The following RAB10 variants were observed in gnomAD, a reference collection of about 807,000 sequenced individuals.
The protein encoded by RAB10 is RAB10, member RAS oncogene family, also known as ras-related protein Rab-10.
A neutral mutation model predicts 25.7 loss-of-function variants in RAB10; 5 were observed. The observed-to-expected ratio is 0.19, with a 90% CI of 0.10 to 0.41. The LOEUF (loss-of-function observed/expected upper bound fraction) is 0.41, where lower values mean the gene tolerates loss of function less well. Ranked by LOEUF, RAB10 falls within the 10% of genes least tolerant of loss-of-function variation. The pLI is 1.00. For missense variants in RAB10, 103 were observed against 245.8 expected (o/e 0.42, Z 3.89); for synonymous variants, 89 against 86.4 (o/e 1.03, Z -0.16).
intron 1 of RAB10, among the ~76,000 whole-genome samples, chr2:26,091,363 G>A (rs1386923681): frequency 6.6e-6 from 1 of 152,128 alleles, no homozygotes; most frequent in Non-Finnish European, 1.5e-5. Flanking sequence ...CTAGGGGAAA[G>A]AGCCATGATG....
At chr2:26,132,936 C>CT (rs1668038808) in intron 5 of RAB10, among the ~76,000 whole-genome samples, 1 of 152,006 alleles carries the variant, frequency 6.6e-6, no homozygotes, top group African/African-American at 2.4e-5. Context: ...GGATGCTGGT[C>CT]TGCCCCTTTT....
At chr2:26,096,066 G>T (rs1234844698) in intron 1 of RAB10, among the ~76,000 whole-genome samples, 2 of 152,182 alleles carry the variant, frequency 1.3e-5, no homozygotes, top group African/African-American at 4.8e-5. Flanking sequence ...TTTATTGCCA[G>T]TGTGCTTGAT....
intron 3 of RAB10, among the ~76,000 whole-genome samples, chr2:26,124,867 A>G (rs921048030): frequency 6.6e-6 from 1 of 152,138 alleles, no homozygotes; most frequent in African/African-American, 2.4e-5. Flanking sequence ...TATTTGTTCA[A>G]TTTGTAAGTA....
At chr2:26,134,015 G>C (rs770938690) in intron 5 of RAB10, among the ~76,000 whole-genome samples, 1 of 152,208 alleles carries the variant, frequency 6.6e-6, no homozygotes, top group African/African-American at 2.4e-5. Flanking sequence ...GGAAAAAGCA[G>C]AATTATACTA....
At chr2:26,046,335 A>C (rs916071981) in intron 1 of RAB10, among the ~76,000 whole-genome samples, 1 of 152,278 alleles carries the variant, frequency 6.6e-6, no homozygotes. Context: ...CAAAGAAAAA[A>C]AAAAAAGAAA....
chr2:26,067,052 G>T (rs1344806097), intron 1 of RAB10, among the ~76,000 whole-genome samples: 1 of 152,086 alleles, frequency 6.6e-6, no homozygotes, highest in African/African-American at 2.4e-5. Context: ...AAAGTGCTGG[G>T]ATTATAGGTG....
chr2:26,060,498 T>C (rs762401608), intron 1 of RAB10, among the ~76,000 whole-genome samples: 2 of 152,150 alleles, frequency 1.3e-5, no homozygotes, highest in Non-Finnish European at 2.9e-5. Flanking sequence ...TTCACCGTGT[T>C]AGCCAGGTCT....
intron 1 of RAB10, among the ~76,000 whole-genome samples, chr2:26,096,422 C>A (rs376271423): frequency 1.4e-4 from 12 of 83,258 alleles, no homozygotes; most frequent in East Asian, 1.4e-3. Context: ...GGATGGATGG[C>A]TGGCTGGCTG....
intron 1 of RAB10, among the ~76,000 whole-genome samples, chr2:26,057,743 G>A (rs999462465): frequency 3.3e-5 from 5 of 151,854 alleles, no homozygotes; most frequent in African/African-American, 1.2e-4. Context: ...TCACCTCTGC[G>A]TCCCCAGTAG....
At chr2:26,099,558 T>G (rs991746165) in intron 2 of RAB10, among the ~76,000 whole-genome samples, 2 of 61,280 alleles carry the variant, frequency 3.3e-5, no homozygotes, top group African/African-American at 1.4e-4. Context: ...TTTTTTTTTT[T>G]GAGGTGGAGT....
chr2:26,085,546 C>A (rs1666958919), intron 1 of RAB10, among the ~76,000 whole-genome samples: 1 of 151,344 alleles, frequency 6.6e-6, no homozygotes. Context: ...ACCAGCTTGA[C>A]CTTCTTCCAA....
chr2:26,124,765 C>T (rs1027726156), intron 3 of RAB10, among the ~76,000 whole-genome samples: 3 of 152,000 alleles, frequency 2.0e-5, no homozygotes, highest in African/African-American at 4.8e-5. Context: ...TGATTTCTGT[C>T]TCCCCCTTTC....
In RAB10 at chr2:26,137,000, A is replaced by G. The variant is rs937110625; in HGVS notation, c.*1979A>G. On this transcript the variant is annotated 3_prime_UTR_variant, in exon 6 of 6. Transcript: ENST00000264710. ...ATTAATGTATTTGTTGCTTCCCTTTATCTGGAATGTGGCATTAGCTTTTTT... is the reference window on the plus strand; with the variant it reads ...ATTAATGTATTTGTTGCTTCCCTTTGTCTGGAATGTGGCATTAGCTTTTTT... 2 of 152,614 alleles carry G rather than the reference A, an allele frequency of 1.3e-5. No individual in the cohort carries two copies. Among genetic ancestry groups the G allele is most frequent in the African/African-American group, 4.8e-5 (2 of 41,454 alleles). The allele number at this position is 152,614 out of a possible 1,614,324, so 9.5% of individuals were successfully genotyped here.
At chr2:26,124,975 T>C (rs1191047316) in intron 3 of RAB10, among the ~76,000 whole-genome samples, 3 of 152,206 alleles carry the variant, frequency 2.0e-5, no homozygotes, top group African/African-American at 7.2e-5. Context: ...TTCCATTGTT[T>C]TTATATGCCA....
intron 1 of RAB10, chr2:26,042,783 A>G (rs1665919400): frequency 6.6e-6 from 1 of 152,056 alleles, no homozygotes; most frequent in Non-Finnish European, 1.5e-5. Context: ...CATAATTACT[A>G]TTTAAAAAAA....
intron 2 of RAB10, among the ~76,000 whole-genome samples, chr2:26,105,681 G>A (rs1667452692): frequency 6.6e-6 from 1 of 152,160 alleles, no homozygotes; most frequent in Non-Finnish European, 1.5e-5. Context: ...AGTCAACTGT[G>A]TAGAATCCTA....
chr2:26,095,991 A>G (rs1001312343), intron 1 of RAB10, among the ~76,000 whole-genome samples: 13 of 152,140 alleles, frequency 8.5e-5, no homozygotes, highest in African/African-American at 2.7e-4. Flanking sequence ...AGTAACGCCT[A>G]TTTATCTGCT....
At chr2:26,091,869 C>T (rs935048518) in intron 1 of RAB10, among the ~76,000 whole-genome samples, 1 of 152,052 alleles carries the variant, frequency 6.6e-6, no homozygotes, top group Non-Finnish European at 1.5e-5. Context: ...CCTTCATCTA[C>T]AGCTAGTAAG....
chr2:26,091,971 A>G (rs1025448510), intron 1 of RAB10, among the ~76,000 whole-genome samples: 9 of 152,140 alleles, frequency 5.9e-5, no homozygotes, highest in Admixed American at 5.9e-4. Context: ...CAGGAGTTCG[A>G]GACCAGCCTG....
Sources: gnomAD v4.1 joint callset for allele counts (sites outside exome capture counted in the v4.1 genomes callset) on GRCh38, gnomAD v4.1.1 for gene constraint, MANE v1.5 for transcripts, NCBI Gene and HGNC (gene_info 2026-07-23, HGNC 2026-07-21) for gene names.